Variants in BYSL observed in about 807,000 individuals in gnomAD.
BYSL encodes the protein bystin.
A neutral mutation model predicts 45.4 loss-of-function variants in BYSL; 21 were observed. The ratio of observed to expected loss-of-function variants is 0.46; its 90% CI spans 0.33 to 0.67. BYSL has a LOEUF of 0.67. BYSL is among the 30% of genes least tolerant of loss of function. BYSL has a pLI of 0.02. For synonymous variants in BYSL, 215 were observed against 231.3 expected, an observed-to-expected ratio of 0.93 and a Z score of 0.64; for missense variants, 522 against 578.5, an observed-to-expected ratio of 0.90 and a Z score of 1.00.
chr6:41,931,815 C>T lies in BYSL; in HGVS notation c.953C>T (p.Pro318Leu). The T allele has an allele frequency of 6.2e-7, 1 of 1,613,652 alleles. No homozygotes were observed. The highest frequency in any genetic ancestry group is 8.5e-7 in the Non-Finnish European group (1 of 1,179,572). The change falls in exon 6 of 7, where the codon CCT (proline) becomes CTT (leucine). Residue 318 changes from proline to leucine, a missense_variant. Coordinates refer to ENST00000230340, the MANE Select transcript of BYSL (RefSeq NM_004053.4). Reference protein sequence around the residue: ...VGSIITKCSIPVLHSSAAMLK... With the variant: ...VGSIITKCSILVLHSSAAMLK... ...AGCATCATCACCAAGTGCTCCATCC[C>T]TGTGTTGCACTCCAGGTAGTATTGC...
the BYSL span, among the ~76,000 whole-genome samples, chr6:41,911,524 C>T: frequency 1.3e-4 from 19 of 151,686 alleles, no homozygotes; most frequent in East Asian, 3.9e-4. Context: ...ACAAGTCTTT[C>T]GGAAAAAGGA....
At position 41,932,713 on chromosome 6, in the gene BYSL, C is replaced by G; in HGVS notation, c.*7C>G. The G allele has an allele frequency of 6.3e-7, 1 of 1,599,614 alleles. No homozygotes were observed. The highest frequency in any genetic ancestry group is 8.5e-7 in the Non-Finnish European group (1 of 1,170,314). On this transcript the variant is annotated 3_prime_UTR_variant, in exon 7 of 7. Transcript: ENST00000230340. The surrounding 1 kb of genome is among the most constrained non-coding windows in gnomAD (Gnocchi z 4.7). Reference sequence around the variant, plus strand: ...TCCCATCACCGTGGAGTGAGGAAAACAGTCAGCTGTCCTGGCCAAAGGGGT... The same window carrying G: ...TCCCATCACCGTGGAGTGAGGAAAAGAGTCAGCTGTCCTGGCCAAAGGGGT...
chr6:41,921,287 C>A, upstream of BYSL: 1 of 611,524 alleles, frequency 1.6e-6, no homozygotes, highest in Non-Finnish European at 2.8e-6. Flanking sequence ...GCACTCTAGG[C>A]CTACATCCAT....
At chr6:41,910,689 C>T in the BYSL span, among the ~76,000 whole-genome samples, 6 of 151,248 alleles carry the variant, frequency 4.0e-5, no homozygotes, top group African/African-American at 1.2e-4. Flanking sequence ...CTCTTTCATA[C>T]GCTACAAGAA....
chr6:41,931,255 G>A lies in BYSL; in HGVS notation c.705-141G>A, dbSNP rs1775635468. The A allele has an allele frequency of 4.2e-6, 4 of 960,052 alleles. No individual in the cohort carries two copies. The South Asian group carries it at 4.9e-5, about 12-fold the overall frequency. 59.5% of individuals were successfully genotyped at this position (960,052 alleles called of 1,614,324 possible). A position where few individuals can be genotyped will look rare whatever the true frequency, so the allele number is the denominator to read the frequency against. On this transcript the variant is annotated intron_variant, in intron 4 of 6. Transcript: ENST00000230340. ...AGCTGATGGGTGTTGCATGCACACA[G>A]CTCCCACACATCCCCCACTGAAAGA...
chr6:41,921,142 A>C (rs1389214983), upstream of BYSL: 2 of 1,316,974 alleles, frequency 1.5e-6, no homozygotes, highest in Non-Finnish European at 2.1e-6. Context: ...GGAAATACGT[A>C]AAAACAGAGC....
intron 1 of BYSL, among the ~76,000 whole-genome samples, chr6:41,923,668 A>T (rs1775522947): frequency 6.6e-6 from 1 of 152,138 alleles, no homozygotes; most frequent in African/African-American, 2.4e-5. Flanking sequence ...TCCTGGGCTC[A>T]AACGACCCTC....
At chr6:41,926,685 G>T (rs369613483) in intron 1 of BYSL, among the ~76,000 whole-genome samples, 265 of 150,836 alleles carry the variant, frequency 1.8e-3, no homozygotes, top group African/African-American at 6.2e-3. Flanking sequence ...TCTTGACCTC[G>T]TGATCTGCCC....
At position 41,932,392 on chromosome 6, in the gene BYSL, T is replaced by C; in HGVS notation, c.1000T>C (p.Tyr334His). The C allele has an allele frequency of 6.2e-7, 1 of 1,613,056 alleles. No individual in the cohort carries two copies. Among genetic ancestry groups the C allele is most frequent in the South Asian group, 1.1e-5 (1 of 91,082 alleles). ...AAMLKIAEME[Y>H]SGANSIFLRL... ...CATGCTGAAAATTGCTGAGATGGAATACAGCGGTGCCAACAGCATCTTCCT... is the reference window on the plus strand; with the variant it reads ...CATGCTGAAAATTGCTGAGATGGAACACAGCGGTGCCAACAGCATCTTCCT... Residue 334 changes from tyrosine to histidine, a missense_variant, in exon 7 of 7, where the codon TAC (tyrosine) becomes CAC (histidine). Tyr to His is a moderately conservative substitution (Grantham distance 83, BLOSUM62 2). Coordinates refer to ENST00000230340, the MANE Select transcript of BYSL (RefSeq NM_004053.4). The surrounding 1 kb of genome is among the most constrained non-coding windows in gnomAD (Gnocchi z 4.7).
At chr6:41,928,833 A>G (rs984535414) in intron 2 of BYSL, among the ~76,000 whole-genome samples, 3 of 152,216 alleles carry the variant, frequency 2.0e-5, no homozygotes, top group Non-Finnish European at 2.9e-5. Flanking sequence ...CCATGTCTGC[A>G]TAAGTTTCCG....
chr6:41,909,148 T>C, the BYSL span: 3 of 1,361,372 alleles, frequency 2.2e-6, no homozygotes, highest in Non-Finnish European at 3.0e-6. Flanking sequence ...CATTCCAGCC[T>C]GGGTGACAGA....
At chr6:41,925,555 G>C (rs1045774217) in intron 1 of BYSL, among the ~76,000 whole-genome samples, 10 of 152,020 alleles carry the variant, frequency 6.6e-5, no homozygotes, top group Non-Finnish European at 1.0e-4. Context: ...AGTAGAGACG[G>C]GGTTTCACCG....
intron 3 of BYSL, 115 bp from the exon 4 acceptor site, chr6:41,930,520 G>A (rs1273441456): frequency 5.0e-6 from 7 of 1,387,140 alleles, no homozygotes; most frequent in East Asian, 2.3e-5. Context: ...CTCCTTATAG[G>A]TTATTGTGGG....
chr6:41,915,941 T>C, the BYSL span, among the ~76,000 whole-genome samples: 3 of 152,148 alleles, frequency 2.0e-5, no homozygotes, highest in Non-Finnish European at 4.4e-5. Context: ...TACTTGTGTA[T>C]CAACTATACC....
upstream of BYSL, chr6:41,921,004 C>T (rs1202726027): frequency 6.2e-7 from 1 of 1,613,000 alleles, no homozygotes; most frequent in Non-Finnish European, 8.5e-7. Context: ...TGCAGTCCTA[C>T]CAAGTCACTC....
At chr6:41,909,414 A>G in the BYSL span, 79 of 1,614,098 alleles carry the variant, frequency 4.9e-5, no homozygotes, top group Non-Finnish European at 6.6e-5. Flanking sequence ...CACCATAAGC[A>G]CATCAAAGTT....
chr6:41,922,003 G>A (rs1481988055), intron 1 of BYSL, among the ~76,000 whole-genome samples, 173 bp downstream of exon 1: 1 of 152,230 alleles, frequency 6.6e-6, no homozygotes, highest in East Asian at 1.9e-4. Flanking sequence ...CTAGTTTTAG[G>A]CACTCCCTTC....
At chr6:41,910,176 C>G in the BYSL span, among the ~76,000 whole-genome samples, 3 of 152,168 alleles carry the variant, frequency 2.0e-5, no homozygotes, top group South Asian at 2.1e-4. Context: ...GGGAAGCAAG[C>G]AGCACACTAC....
At chr6:41,921,435 C>A, upstream of BYSL, 1 of 1,347,032 alleles carries the variant, frequency 7.4e-7, no homozygotes, top group Non-Finnish European at 9.9e-7. Context: ...CGCTTCTGGC[C>A]TCCGAATGCT....
Sources: gnomAD v4.1 joint callset for allele counts (sites outside exome capture counted in the v4.1 genomes callset) on GRCh38, gnomAD v4.1.1 for gene constraint, Gnocchi (gnomAD v3.1) non-coding constraint, MANE v1.5 for transcripts, NCBI Gene and HGNC (gene_info 2026-07-23, HGNC 2026-07-21) for gene names.